The following SLC39A8 variants were observed in gnomAD, a reference collection of about 807,000 sequenced individuals.
The protein encoded by SLC39A8 is metal cation symporter ZIP8.
SLC39A8 carries 15 observed loss-of-function variants against 40.4 expected under a neutral mutation model. That is an observed-to-expected ratio of 0.37 (90% CI 0.25 to 0.57). The LOEUF (loss-of-function observed/expected upper bound fraction) is 0.57, where lower values mean the gene tolerates loss of function less well. Among genes scored for constraint, SLC39A8 ranks in the 20% least tolerant of loss-of-function variants. The pLI, the probability that SLC39A8 is intolerant of heterozygous loss-of-function variation, is 0.75. For missense variants in SLC39A8, 472 were observed against 558.8 expected, an observed-to-expected ratio of 0.84 and a Z score of 1.57; for synonymous variants, 223 against 221.6, an observed-to-expected ratio of 1.01 and a Z score of -0.06.
At chr4:102,327,950 G>A (rs899692797) in intron 2 of SLC39A8, among the ~76,000 whole-genome samples, 4 of 152,094 alleles carry the variant, frequency 2.6e-5, no homozygotes, top group African/African-American at 7.2e-5. Flanking sequence ...ATGTGGCCCT[G>A]ATGCTACAAA....
At chr4:102,321,783 G>A (rs1016153499) in intron 2 of SLC39A8, among the ~76,000 whole-genome samples, 64 of 152,186 alleles carry the variant, frequency 4.2e-4, no homozygotes, top group African/African-American at 1.4e-3. Context: ...CCTGAGAAAG[G>A]TAGAGACCAG....
rs772719183 is a variant in SLC39A8, at chr4:102,263,056, G to A, written c.1371C>T (p.Ile457=). ...ILLITLYAGE[I]ELE The stretch of plus-strand genomic sequence containing the variant: ...CTTCCATTTTCTATTACTCCAATTC[G>A]ATTTCTCCTGCATACAAGGTAATGA... Residue 457 remains isoleucine, a synonymous_variant, in exon 9 of 9, where the codon ATC becomes ATT. Coordinates refer to ENST00000356736, the MANE Select transcript of SLC39A8 (RefSeq NM_001135146.2). 1.9e-6 allele frequency: 3 copies of A among 1,605,546 alleles called. No individual in the cohort carries two copies. Among genetic ancestry groups the A allele is most frequent in the Non-Finnish European group, 2.6e-6 (3 of 1,175,072 alleles).
rs1331343318 is a variant in SLC39A8 at position 102,344,467 on chromosome 4, G to T, written c.196C>A (p.Pro66Thr). 1 of 1,544,514 alleles carries T rather than the reference G, an allele frequency of 6.5e-7. No homozygotes were observed. Among genetic ancestry groups the T allele is most frequent in the Non-Finnish European group, 8.7e-7 (1 of 1,144,590 alleles). The change falls in exon 2 of 9, where the codon CCT (proline) becomes ACT (threonine). Residue 66 changes from proline (P) to threonine (T), a missense_variant. By Grantham distance (38) the Pro-to-Thr change is conservative. Around this residue, in one of 4 missense-constraint regions of SLC39A8, gnomAD observed 175 missense variants for 160.5 expected, o/e 1.09. Transcript: ENST00000356736. Reference sequence around the variant, plus strand: ...ACCTGGTTGAAGTGCAGCTGGCCAGGCTCCGGGACGCCCACGCGGGAGGCG... The same window carrying T: ...ACCTGGTTGAAGTGCAGCTGGCCAGTCTCCGGGACGCCCACGCGGGAGGCG... ...GAASRVGVPE[P>T]GQLHFNQCLT...
chr4:102,257,818 G>T (rs1341872153), downstream of SLC39A8, among the ~76,000 whole-genome samples: 1 of 152,168 alleles, frequency 6.6e-6, no homozygotes, highest in Non-Finnish European at 1.5e-5. Flanking sequence ...CTAAATACAT[G>T]CTCTGTCATA....
intron 3 of SLC39A8, among the ~76,000 whole-genome samples, chr4:102,314,812 G>A (rs138246359): frequency 4.5e-4 from 68 of 152,182 alleles, no homozygotes; most frequent in African/African-American, 1.6e-3. Flanking sequence ...CTGAAACTAT[G>A]TTGTTTATTT....
In SLC39A8 at chr4:102,315,690, T is replaced by C; in HGVS notation, c.360A>G (p.Lys120=). ...TACCTTCTGAATGACTTGGTCTTGT[T>C]TTGTGCTTGGGCCGATCCTCACATG... The part of the protein sequence containing the change: ...FHPCEDRPKH[K]TRPSHSEVWG... The change falls in exon 3 of 9, where the codon AAA becomes AAG. Residue 120 remains lysine, a synonymous_variant. Transcript: ENST00000356736. 1 of 1,611,460 alleles carries C rather than the reference T, an allele frequency of 6.2e-7. No homozygotes were observed. The highest frequency in any genetic ancestry group is 1.1e-5 in the South Asian group (1 of 90,460).
chr4:102,297,156 G>A (rs1733713115), intron 6 of SLC39A8, among the ~76,000 whole-genome samples: 1 of 152,124 alleles, frequency 6.6e-6, no homozygotes, highest in African/African-American at 2.4e-5. Context: ...AATAGGTAGT[G>A]AGTTTAGAAA....
intron 11 of SLC39A8, chr4:102,253,452 C>T: frequency 1.4e-6 from 1 of 712,788 alleles, no homozygotes; most frequent in Non-Finnish European, 2.6e-6. Flanking sequence ...AGAGAAGGAA[C>T]ATAGTAAAGT....
intron 6 of SLC39A8, among the ~76,000 whole-genome samples, chr4:102,296,638 C>A (rs1218226821): frequency 1.3e-5 from 2 of 152,024 alleles, no homozygotes; most frequent in Non-Finnish European, 2.9e-5. Context: ...CCAAATCAAA[C>A]AACATATTTT....
At position 102,298,560 on chromosome 4, in the gene SLC39A8, A is replaced by G. The variant is rs116507282; in HGVS notation, c.840+5757T>C. 9.2e-3 allele frequency among the ~76,000 whole-genome samples: 1,393 copies of G among 152,204 alleles called. 10 individuals carry two copies. The highest frequency in any genetic ancestry group is 0.014 in the South Asian group (68 of 4,822). On this transcript the variant is annotated intron_variant, in intron 6 of 8. Transcript: ENST00000356736. ...CTAATTTCTGTTTTTAAATCTTGTG[A>G]TGTTCAAGAACTATATGATTTAAAA...
intron 3 of SLC39A8, among the ~76,000 whole-genome samples, chr4:102,310,621 C>A (rs1734390847): frequency 6.6e-6 from 1 of 152,112 alleles, no homozygotes; most frequent in Non-Finnish European, 1.5e-5. Context: ...TCATCACATT[C>A]TAAGCACACT....
intron 2 of SLC39A8, among the ~76,000 whole-genome samples, chr4:102,317,202 T>C (rs1397116232): frequency 6.6e-6 from 1 of 152,136 alleles, no homozygotes; most frequent in East Asian, 1.9e-4. Flanking sequence ...ACAATGAAAT[T>C]TAAAATGTCA....
intron 2 of SLC39A8, among the ~76,000 whole-genome samples, chr4:102,343,943 T>C (rs1388861999): frequency 6.6e-6 from 1 of 152,214 alleles, no homozygotes; most frequent in Admixed American, 6.5e-5. Context: ...CAGCCCTGAA[T>C]GCCTCATGTA....
rs1735930041 is a variant in SLC39A8 at position 102,341,308 on chromosome 4, C to T, written c.219+3136G>A. On this transcript the variant is annotated intron_variant, in intron 2 of 8. Coordinates refer to ENST00000356736, the MANE Select transcript of SLC39A8 (RefSeq NM_001135146.2). ...TGATAATTTAGAAAATAGGATCTTCCTTTTATCAGGCTGTTTAACCACTAT... is the reference window on the plus strand; with the variant it reads ...TGATAATTTAGAAAATAGGATCTTCTTTTTATCAGGCTGTTTAACCACTAT... Among the ~76,000 whole-genome samples the T allele has an allele frequency of 2.0e-5, 3 of 151,494 alleles. No individual in the cohort carries two copies. The South Asian group carries it at 6.3e-4, about 32-fold the overall frequency.
chr4:102,270,236 A>C (rs1010097532), intron 6 of SLC39A8, among the ~76,000 whole-genome samples: 16 of 152,198 alleles, frequency 1.1e-4, no homozygotes, highest in Non-Finnish European at 1.9e-4. Context: ...GTCTGTATAC[A>C]AACACCCTTA....
At chr4:102,288,938 A>T (rs1733302955) in intron 6 of SLC39A8, among the ~76,000 whole-genome samples, 2 of 152,184 alleles carry the variant, frequency 1.3e-5, no homozygotes, top group Non-Finnish European at 2.9e-5. Context: ...TCTAACTAAA[A>T]TCATTGATGA....
chr4:102,321,947 G>C, intron 2 of SLC39A8, among the ~76,000 whole-genome samples: 1 of 152,228 alleles, frequency 6.6e-6, no homozygotes, highest in Non-Finnish European at 1.5e-5. Context: ...ATATAAGCCC[G>C]AGTGAATTAA....
Position 102,268,056 on chromosome 4 carries a change from T to A in SLC39A8, c.864A>T (p.Ser288=). ...GTTTGGGCCCCTTCAAACAGGTACA[T>A]GAACTTGGCTCTTTTTTTCCATCCT... ...SLQDGKKEPS[S]CTCLKGPKLS... The change falls in exon 7 of 9, where the codon TCA becomes TCT. Residue 288 remains serine (S), a synonymous_variant. Coordinates refer to ENST00000356736, the MANE Select transcript of SLC39A8 (RefSeq NM_001135146.2). The A allele has an allele frequency of 6.2e-7, 1 of 1,614,210 alleles. No homozygotes were observed. The highest frequency in any genetic ancestry group is 8.5e-7 in the Non-Finnish European group (1 of 1,180,022).
At chr4:102,337,844 T>C (rs1481701991) in intron 2 of SLC39A8, among the ~76,000 whole-genome samples, 1 of 152,138 alleles carries the variant, frequency 6.6e-6, no homozygotes, top group Non-Finnish European at 1.5e-5. Flanking sequence ...TATAGTCCCT[T>C]AAAAAAATTC....
Sources: gnomAD v4.1 joint callset for allele counts (sites outside exome capture counted in the v4.1 genomes callset) on GRCh38, gnomAD v4.1.1 for gene constraint, gnomAD v4.1.1 regional missense constraint, MANE v1.5 for transcripts, NCBI Gene and HGNC (gene_info 2026-07-23, HGNC 2026-07-21) for gene names.